Variants in DBP observed in about 807,000 individuals in gnomAD.
DBP encodes D-box binding PAR bZIP transcription factor, also known as D site-binding protein.
DBP carries 12 observed loss-of-function variants against 21.4 expected under a neutral mutation model. The ratio of observed to expected loss-of-function variants is 0.56; its 90% CI spans 0.36 to 0.91. The LOEUF (loss-of-function observed/expected upper bound fraction) is 0.91. Among genes scored for constraint, DBP ranks in the 40% least tolerant of loss-of-function variants. The pLI, the probability that DBP is intolerant of heterozygous loss-of-function variation, is 0.01. For synonymous variants in DBP, 213 were observed against 224.9 expected, an observed-to-expected ratio of 0.95 and a Z score of 0.47; for missense variants, 423 against 473.4, an observed-to-expected ratio of 0.89 and a Z score of 0.99.
chr19:48,636,583 A>AGGAG (rs71179020), intron 1 of DBP, among the ~76,000 whole-genome samples: 12,419 of 152,080 alleles, frequency 0.082, 647 homozygotes, highest in Admixed American at 0.16. Flanking sequence ...CAAAAGGAAG[A>AGGAG]GGAGGCTGGG....
intron 2 of DBP, 70 bp downstream of exon 2, chr19:48,635,510 C>T: frequency 6.8e-7 from 1 of 1,477,290 alleles, no homozygotes; most frequent in South Asian, 1.2e-5. Context: ...CAGCCCCCAG[C>T]GTCGCACAGC....
chr19:48,636,615 G>C (rs1221259487), intron 1 of DBP, among the ~76,000 whole-genome samples: 1 of 152,174 alleles, frequency 6.6e-6, no homozygotes, highest in African/African-American at 2.4e-5. Flanking sequence ...TGTGAACTAA[G>C]CGGGGAGGAC....
rs999498147 is a variant in DBP at position 48,630,676 on chromosome 19, G to T, written c.*161C>A. ...CTCCCCGCCCCCGCAAGGGAGGGGG[G>T]AGGCTCGCTTTTTCTTAAAAATATA... is the stretch of plus-strand genomic sequence containing the variant. On this transcript the variant is annotated 3_prime_UTR_variant, in exon 4 of 4. Transcript: ENST00000222122. The surrounding 1 kb of genome is among the most constrained non-coding windows in gnomAD (Gnocchi z 4.9). 8 of 1,436,082 alleles carry T rather than the reference G, an allele frequency of 5.6e-6. No homozygotes were observed. The highest frequency in any genetic ancestry group is 1.8e-4 in the Middle Eastern group (1 of 5,568). The allele number at this position is 1,436,082 out of a possible 1,614,324, so 89.0% of individuals were successfully genotyped here. A position where few individuals can be genotyped will look rare whatever the true frequency, so the allele number is the denominator to read the frequency against.
intron 2 of DBP, 39 bp downstream of exon 2, chr19:48,635,541 C>A: frequency 6.9e-7 from 1 of 1,450,158 alleles, no homozygotes; most frequent in South Asian, 1.3e-5. Flanking sequence ...GAGTCCAAGC[C>A]CCGCCCCGTC....
chr19:48,635,165 C>T (rs2030736246), intron 2 of DBP: 1 of 1,023,074 alleles, frequency 9.8e-7, no homozygotes, highest in Non-Finnish European at 1.2e-6. Context: ...TTTGCCTTTG[C>T]CCCTGTAAAG....
rs373203086 is a variant in DBP, at chr19:48,633,701, G to T, written c.551-46C>A. ...CAGCTGAGTGTGTATTTTAAGGAGG[G>T]GGTTTCCTGAAGCTACTTTTTGCTG... On this transcript the variant is annotated intron_variant, in intron 2 of 3. Coordinates refer to ENST00000222122, the MANE Select transcript of DBP (RefSeq NM_001352.5). 3.2e-6 allele frequency: 5 copies of T among 1,549,898 alleles called. No homozygotes were observed. In the African/African-American group the frequency reaches 5.4e-5, roughly 17 times the overall value.
At position 48,636,857 on chromosome 19, in the gene DBP, G is replaced by A. The variant is rs745848804; in HGVS notation, c.138C>T (p.Ser46=). The change falls in exon 1 of 4, where the codon AGC becomes AGT. Residue 46 remains serine, a splice_region_variant and synonymous_variant. Coordinates refer to ENST00000222122, the MANE Select transcript of DBP (RefSeq NM_001352.5). ...QGTSKPKEPA[S]CLLKEKERKA... ...GGTGAGATGGGGGTTAGAACTCACA[G>A]CTGGCCGGCTCTTTGGGCTTGCTGG... 1.9e-6 allele frequency: 3 copies of A among 1,610,848 alleles called. No individual in the cohort carries two copies. Among genetic ancestry groups the A allele is most frequent in the South Asian group, 2.2e-5 (2 of 90,494 alleles).
chr19:48,630,875 C>A lies in DBP; in HGVS notation c.940G>T (p.Val314Leu). The A allele has an allele frequency of 6.2e-7, 1 of 1,606,656 alleles. No individual in the cohort carries two copies. The highest frequency in any genetic ancestry group is 8.5e-7 in the Non-Finnish European group (1 of 1,177,194). Residue 314 changes from valine (V) to leucine (L), a missense_variant, in exon 4 of 4, where the codon GTG becomes TTG. Around this residue, in one of 4 missense-constraint regions of DBP, gnomAD observed 33 missense variants for 31.7 expected, o/e 1.04. Coordinates refer to ENST00000222122, the MANE Select transcript of DBP (RefSeq NM_001352.5). This position sits in a 1 kb window ranked among gnomAD's most constrained non-coding sequence, Gnocchi z 4.9. ...VRQELSHYRA[V>L]LSRYQAQHGA... ...TGCTGGGCCTGGTATCGGGACAGCA[C>A]GGCGCGGTAGTGGGACAGCTCCTGG...
intron 1 of DBP, 61 bp downstream of exon 1, chr19:48,636,790 CCACGG>C: frequency 6.4e-7 from 1 of 1,565,938 alleles, no homozygotes; most frequent in South Asian, 1.2e-5. Flanking sequence ...GGACCCCACC[CCACGG>C]CACCTGAGTC....
At chr19:48,634,906 G>T (rs532643007) in intron 2 of DBP, 52 of 985,608 alleles carry the variant, frequency 5.3e-5, no homozygotes, top group Middle Eastern at 1.0e-3. Context: ...TCTCCGGGGA[G>T]CATCGGCCTC....
Position 48,630,818 on chromosome 19 carries a change from G to C in DBP, c.*19C>G. 6.4e-7 allele frequency: 1 copy of C among 1,566,766 alleles called. No homozygotes were observed. The highest frequency in any genetic ancestry group is 1.2e-5 in the South Asian group (1 of 86,496). ...GCAAGGCGGAGGAGAGCTCCGCCAGGTGGGGATGTGGGGCAGCCTCACAGG... is the reference window on the plus strand; with the variant it reads ...GCAAGGCGGAGGAGAGCTCCGCCAGCTGGGGATGTGGGGCAGCCTCACAGG... On this transcript the variant is annotated 3_prime_UTR_variant, in exon 4 of 4. Transcript: ENST00000222122. This position sits in a 1 kb window ranked among gnomAD's most constrained non-coding sequence, Gnocchi z 4.9.
At chr19:48,634,826 G>A in intron 2 of DBP, 1 of 985,630 alleles carries the variant, frequency 1.0e-6, no homozygotes, top group East Asian at 1.1e-4. Context: ...TGCCCAAAGG[G>A]AAACATCTTT....
At chr19:48,635,119 C>T (rs2030734878) in intron 2 of DBP, 1 of 994,932 alleles carries the variant, frequency 1.0e-6, no homozygotes, top group Admixed American at 6.1e-5. Flanking sequence ...CTGCCAGTCT[C>T]TTATGTCCTG....
intron 2 of DBP, chr19:48,635,085 C>T (rs1394412877): frequency 1.0e-6 from 1 of 987,312 alleles, no homozygotes; most frequent in Non-Finnish European, 1.2e-6. Flanking sequence ...CAGCACGCCC[C>T]ACTGGGGGAC....
chr19:48,635,133 A>G (rs1054634527), intron 2 of DBP: 1 of 1,001,072 alleles, frequency 1.0e-6, no homozygotes, highest in African/African-American at 1.7e-5. Flanking sequence ...TGTCCTGGGT[A>G]AACAGAATTC....
At position 48,635,918 on chromosome 19, in the gene DBP, G is replaced by A. The variant is rs202083967; in HGVS notation, c.212C>T (p.Ala71Val). The stretch of plus-strand genomic sequence containing the variant: ...CCCAGCCGGGGCATCCGCCGGGCCC[G>A]CAGTCTCCAGGCCTGGCCCAGGGGT... The part of the protein sequence containing the change: ...ATTPGPGLET[A>V]GPADAPAGAV... Residue 71 changes from alanine to valine, a missense_variant, in exon 2 of 4, where the codon GCG (alanine) becomes GTG (valine). By Grantham distance (64) the Ala-to-Val change is moderately conservative. Coordinates refer to ENST00000222122, the MANE Select transcript of DBP (RefSeq NM_001352.5). 2 of 1,445,804 alleles carry A rather than the reference G, an allele frequency of 1.4e-6. No homozygotes were observed. Among genetic ancestry groups the A allele is most frequent in the South Asian group, 1.4e-5 (1 of 72,474 alleles). The allele number at this position is 1,445,804 out of a possible 1,614,324, so 89.6% of individuals were successfully genotyped here.
rs2030520187 is a variant in DBP at position 48,630,453 on chromosome 19, T to A, written c.*384A>T. 1 of 1,463,500 alleles carries A rather than the reference T, an allele frequency of 6.8e-7. No individual in the cohort carries two copies. The highest frequency in any genetic ancestry group is 9.0e-7 in the Non-Finnish European group (1 of 1,113,098). The allele number at this position is 1,463,500 out of a possible 1,614,324, so 90.7% of individuals were successfully genotyped here. A position where few individuals can be genotyped will look rare whatever the true frequency, so the allele number is the denominator to read the frequency against. ...CGACAGCCCGCGGGAGGACTCAGAC[T>A]CCAGCACTTCCAGCAGCGCCTGCCC... On this transcript the variant is annotated 3_prime_UTR_variant, in exon 4 of 4. Coordinates refer to ENST00000222122, the MANE Select transcript of DBP (RefSeq NM_001352.5). This position sits in a 1 kb window ranked among gnomAD's most constrained non-coding sequence, Gnocchi z 4.9.
intron 3 of DBP, 88 bp from the exon 4 acceptor site, chr19:48,631,140 A>C: frequency 8.5e-7 from 1 of 1,179,290 alleles, no homozygotes; most frequent in Non-Finnish European, 1.2e-6. Context: ...CGGGGCCTAA[A>C]CCACACCAGG....
chr19:48,630,829 G>C lies in DBP; in HGVS notation c.*8C>G, dbSNP rs961292017. On this transcript the variant is annotated 3_prime_UTR_variant, in exon 4 of 4. Transcript: ENST00000222122. The surrounding 1 kb of genome is among the most constrained non-coding windows in gnomAD (Gnocchi z 4.9). ...GAGAGCTCCGCCAGGTGGGGATGTGGGGCAGCCTCACAGGGCCCCGTGCTG... is the reference window on the plus strand; with the variant it reads ...GAGAGCTCCGCCAGGTGGGGATGTGCGGCAGCCTCACAGGGCCCCGTGCTG... 1 of 1,577,214 alleles carries C rather than the reference G, an allele frequency of 6.3e-7. No individual in the cohort carries two copies. The highest frequency in any genetic ancestry group is 8.6e-7 in the Non-Finnish European group (1 of 1,159,588).
Sources: allele counts gnomAD v4.1 joint callset (sites outside exome capture counted in the v4.1 genomes callset), GRCh38; gene constraint gnomAD v4.1.1; regional missense constraint gnomAD v4.1.1; non-coding constraint Gnocchi (gnomAD v3.1); transcripts MANE v1.5; gene names NCBI Gene and HGNC (gene_info 2026-07-23, HGNC 2026-07-21).